Variants in CLIC6 observed in about 807,000 individuals in gnomAD.
CLIC6 encodes chloride intracellular channel protein 6.
A neutral mutation model predicts 49.2 loss-of-function variants in CLIC6; 39 were observed. That is an observed-to-expected ratio of 0.79 (90% CI 0.61 to 1.04). The LOEUF (loss-of-function observed/expected upper bound fraction) is 1.04. CLIC6 is among the 50% of genes least tolerant of loss of function. The pLI, the probability that CLIC6 is intolerant of heterozygous loss-of-function variation, is 0.00. For missense variants in CLIC6, 988 were observed against 993.1 expected (o/e 0.99, Z 0.07); for synonymous variants, 446 against 433.4 (o/e 1.03, Z -0.36).
At chr21:34,674,347 G>A (rs74437722) in intron 1 of CLIC6, among the ~76,000 whole-genome samples, 2,079 of 152,222 alleles carry the variant, frequency 0.014, 50 homozygotes, top group African/African-American at 0.047. Flanking sequence ...CCACTCTGGC[G>A]TTTCAAAGTG....
chr21:34,691,021 A>G (rs1474235116), intron 1 of CLIC6, among the ~76,000 whole-genome samples: 1 of 152,140 alleles, frequency 6.6e-6, no homozygotes, highest in Non-Finnish European at 1.5e-5. Context: ...AAACCAGGCC[A>G]TATAGTTGTA....
chr21:34,692,340 C>T (rs181199121), intron 1 of CLIC6, among the ~76,000 whole-genome samples: 14 of 152,298 alleles, frequency 9.2e-5, no homozygotes, highest in African/African-American at 2.4e-4. Context: ...TGTAGCTTGA[C>T]GGACTGTGGC....
intron 1 of CLIC6, among the ~76,000 whole-genome samples, chr21:34,672,079 C>G (rs1209031590): frequency 6.6e-6 from 1 of 152,206 alleles, no homozygotes; most frequent in African/African-American, 2.4e-5. Flanking sequence ...GGCACACGGC[C>G]TCTTAGCACA....
At position 34,678,285 on chromosome 21, in the gene CLIC6, A is replaced by T. The variant is rs572990755; in HGVS notation, c.1374+7523A>T. Among the ~76,000 whole-genome samples the T allele has an allele frequency of 1.0e-3, 152 of 151,916 alleles. 2 individuals are homozygous for T. Among genetic ancestry groups the T allele is most frequent in the Admixed American group, 9.0e-3 (138 of 15,274 alleles). On this transcript the variant is annotated intron_variant, in intron 1 of 5. Coordinates refer to ENST00000349499, the MANE Select transcript of CLIC6 (RefSeq NM_053277.3). ...TCTCTACTAAAAATACAAAAAAAAA[A>T]AAAAAAGTCACCCGGGCGTGGTGGC...
intron 1 of CLIC6, among the ~76,000 whole-genome samples, chr21:34,673,541 G>A (rs140312709): frequency 1.5e-3 from 229 of 152,170 alleles, no homozygotes; most frequent in African/African-American, 5.2e-3. Flanking sequence ...TCCACCCACC[G>A]TGGCCTCCCA....
chr21:34,670,478 CAGCAGG>C lies in CLIC6; in HGVS notation c.1094_1099del (p.Gln365_Glu366del). ...CGAGGACAGGGTAGGGGATGGGCCA[CAGCAGG>C]AGCCGGGGGAGGACGAAGAGAGACG... On this transcript the variant is annotated inframe_deletion, in exon 1 of 6. Coordinates refer to ENST00000349499, the MANE Select transcript of CLIC6 (RefSeq NM_053277.3). The C allele has an allele frequency of 6.7e-7, 1 of 1,492,216 alleles. No homozygotes were observed. The highest frequency in any genetic ancestry group is 8.9e-7 in the Non-Finnish European group (1 of 1,120,798). The allele number at this position is 1,492,216 out of a possible 1,614,324, so 92.4% of individuals were successfully genotyped here. A position where few individuals can be genotyped will look rare whatever the true frequency, so the allele number is the denominator to read the frequency against.
rs560160660 is a variant in CLIC6 at position 34,678,992 on chromosome 21, G to A, written c.1374+8230G>A. Among the ~76,000 whole-genome samples the A allele has an allele frequency of 8.5e-5, 13 of 152,260 alleles. No homozygotes were observed. The East Asian group carries it at 2.3e-3, about 27-fold the overall frequency. On this transcript the variant is annotated intron_variant, in intron 1 of 5. Transcript: ENST00000349499. Reference sequence around the variant, plus strand: ...ATTTCTGTGTAACAAATTGTCCCAAGACCTAGAATCTTAAAGCAACAAACA... The same window carrying A: ...ATTTCTGTGTAACAAATTGTCCCAAAACCTAGAATCTTAAAGCAACAAACA...
At chr21:34,696,719 C>A (rs900890627) in intron 1 of CLIC6, among the ~76,000 whole-genome samples, 2 of 152,258 alleles carry the variant, frequency 1.3e-5, no homozygotes, top group African/African-American at 4.8e-5. Flanking sequence ...ATCATTATCA[C>A]TTTCATCATT....
At chr21:34,703,800 C>T (rs568997722) in intron 1 of CLIC6, among the ~76,000 whole-genome samples, 17 of 152,166 alleles carry the variant, frequency 1.1e-4, no homozygotes, top group South Asian at 4.2e-4. Flanking sequence ...TCTCAGATGA[C>T]GAGGCTGGTA....
At chr21:34,687,839 A>G (rs1428734128) in intron 1 of CLIC6, among the ~76,000 whole-genome samples, 1 of 152,216 alleles carries the variant, frequency 6.6e-6, no homozygotes, top group Admixed American at 6.5e-5. Context: ...TGTAGGAGTG[A>G]ATAAAGTTAA....
At chr21:34,711,284 C>A (rs926215768) in intron 5 of CLIC6, among the ~76,000 whole-genome samples, 2 of 152,140 alleles carry the variant, frequency 1.3e-5, no homozygotes, top group East Asian at 3.9e-4. Flanking sequence ...GTAATCCCAG[C>A]ACTTTGGGAG....
intron 1 of CLIC6, 139 bp downstream of exon 1, chr21:34,670,901 T>C: frequency 1.0e-6 from 1 of 996,670 alleles, no homozygotes; most frequent in Non-Finnish European, 1.4e-6. Flanking sequence ...GCGCGGGCGG[T>C]AGGCGGGACA....
chr21:34,681,854 A>C (rs1989785576), intron 1 of CLIC6, among the ~76,000 whole-genome samples: 2 of 152,218 alleles, frequency 1.3e-5, no homozygotes, highest in South Asian at 4.1e-4. Context: ...ATTAAAAGAA[A>C]AGGCAAAGAA....
chr21:34,695,733 A>G (rs1382892025), intron 1 of CLIC6, among the ~76,000 whole-genome samples: 2 of 152,212 alleles, frequency 1.3e-5, no homozygotes, highest in Admixed American at 6.5e-5. Flanking sequence ...TTGGTGTGCT[A>G]TGCTCTCTGG....
intron 1 of CLIC6, among the ~76,000 whole-genome samples, chr21:34,681,361 A>G (rs933957877): frequency 1.4e-4 from 21 of 152,242 alleles, no homozygotes; most frequent in Non-Finnish European, 1.8e-4. Context: ...GGTGATTATT[A>G]TAATTCAAGG....
chr21:34,705,209 G>T (rs931779447), intron 1 of CLIC6, among the ~76,000 whole-genome samples: 4 of 152,142 alleles, frequency 2.6e-5, no homozygotes, highest in Admixed American at 1.3e-4. Flanking sequence ...TCCCCGCTCC[G>T]CCTTTGCTTG....
In CLIC6 at chr21:34,669,892, C is replaced by T; in HGVS notation, c.504C>T (p.Asp168=). The T allele has an allele frequency of 2.3e-6, 3 of 1,324,184 alleles. No homozygotes were observed. The highest frequency in any genetic ancestry group is 2.9e-6 in the Non-Finnish European group (3 of 1,036,596). The allele number at this position is 1,324,184 out of a possible 1,614,324, so 82.0% of individuals were successfully genotyped here. A position where few individuals can be genotyped will look rare whatever the true frequency, so the allele number is the denominator to read the frequency against. ...DSVDAEGPLG[D]NIEAEGPAGD... Reference sequence around the variant, plus strand: ...TAGACGCGGAGGGCCCGCTGGGGGACAACATAGAAGCGGAGGGCCCGGCGG... The same window carrying T: ...TAGACGCGGAGGGCCCGCTGGGGGATAACATAGAAGCGGAGGGCCCGGCGG... The change falls in exon 1 of 6, where the codon GAC becomes GAT. Residue 168 remains aspartate, a synonymous_variant. Transcript: ENST00000349499.
chr21:34,703,279 G>A (rs1156441961), intron 1 of CLIC6, among the ~76,000 whole-genome samples: 1 of 152,142 alleles, frequency 6.6e-6, no homozygotes, highest in Non-Finnish European at 1.5e-5. Flanking sequence ...AGAGAAAAGT[G>A]CTTACTTGAT....
chr21:34,708,869 A>G (rs1328389959), intron 4 of CLIC6, 63 bp downstream of exon 4: 3 of 1,173,400 alleles, frequency 2.6e-6, no homozygotes, highest in African/African-American at 1.5e-5. Flanking sequence ...ATGGCGGCCC[A>G]TACGCTCCTG....
Sources: allele counts gnomAD v4.1 joint callset (sites outside exome capture counted in the v4.1 genomes callset), GRCh38; gene constraint gnomAD v4.1.1; transcripts MANE v1.5; gene names NCBI Gene and HGNC (gene_info 2026-07-23, HGNC 2026-07-21).